Variants in TASOR observed in about 807,000 individuals in gnomAD.
TASOR encodes the protein transcription activation suppressor.
A neutral mutation model predicts 178.6 loss-of-function variants in TASOR; 53 were observed. The ratio of observed to expected loss-of-function variants is 0.30; its 90% CI spans 0.24 to 0.37. The LOEUF (loss-of-function observed/expected upper bound fraction) is 0.37. TASOR is among the 10% of genes least tolerant of loss of function. The pLI is 1.00. For missense variants in TASOR, 1,815 were observed against 1,971.4 expected, an observed-to-expected ratio of 0.92 and a Z score of 1.50; for synonymous variants, 713 against 696.2, an observed-to-expected ratio of 1.02 and a Z score of -0.38.
chr3:56,669,250 T>A (rs2030401613), intron 5 of TASOR, among the ~76,000 whole-genome samples: 1 of 152,116 alleles, frequency 6.6e-6, no homozygotes, highest in African/African-American at 2.4e-5. Context: ...ATGCCTGTAA[T>A]CCCAGCACTT....
intron 13 of TASOR, among the ~76,000 whole-genome samples, 162 bp from the exon 14 acceptor site, chr3:56,647,385 T>C (rs1241799976): frequency 6.6e-6 from 1 of 151,930 alleles, no homozygotes; most frequent in Non-Finnish European, 1.5e-5. Flanking sequence ...ATAGCAAATA[T>C]ATGAATAGCA....
In TASOR at chr3:56,625,603, C is replaced by T. The variant is rs545769084; in HGVS notation, c.4140-597G>A. Among the ~76,000 whole-genome samples the T allele has an allele frequency of 1.8e-4, 27 of 152,272 alleles. No individual in the cohort carries two copies. In the South Asian group the frequency reaches 5.4e-3, roughly 30 times the overall value. On this transcript the variant is annotated intron_variant, in intron 21 of 23. Transcript: ENST00000683822. Reference sequence around the variant, plus strand: ...CAGAGGTTGCAGTGAGCTGAGACTGCTCTATTACACTCCAGTCTGGGCAAC... The same window carrying T: ...CAGAGGTTGCAGTGAGCTGAGACTGTTCTATTACACTCCAGTCTGGGCAAC...
At chr3:56,669,858 C>T in intron 4 of TASOR, 67 bp from the exon 5 acceptor site, 6 of 1,181,354 alleles carry the variant, frequency 5.1e-6, no homozygotes, top group Non-Finnish European at 7.2e-6. Flanking sequence ...TAAAATAAGA[C>T]ATTTTTAAGA....
intron 16 of TASOR, 71 bp from the exon 17 acceptor site, chr3:56,638,836 C>T: frequency 7.0e-7 from 1 of 1,421,894 alleles, no homozygotes; most frequent in South Asian, 1.2e-5. Flanking sequence ...TTCAGACAAC[C>T]CCAAGTGATA....
intron 7 of TASOR, among the ~76,000 whole-genome samples, chr3:56,665,280 T>C (rs146626155): frequency 2.3e-4 from 35 of 152,350 alleles, no homozygotes; most frequent in African/African-American, 7.7e-4. Flanking sequence ...GATTGGTTTG[T>C]GGTGAGGCAT....
intron 13 of TASOR, among the ~76,000 whole-genome samples, chr3:56,647,879 T>G (rs1284178857): frequency 6.6e-6 from 1 of 152,170 alleles, no homozygotes; most frequent in Non-Finnish European, 1.5e-5. Flanking sequence ...AATGCAAAAT[T>G]GAACTAAGCT....
chr3:56,621,375 G>T lies in TASOR; in HGVS notation c.*1662C>A. ...AAATGTGATAGCTATATATCCAAATGAGGTGGTCTAGTACAAGCATTTCTG... is the reference window on the plus strand; with the variant it reads ...AAATGTGATAGCTATATATCCAAATTAGGTGGTCTAGTACAAGCATTTCTG... On this transcript the variant is annotated 3_prime_UTR_variant, in exon 24 of 24. Transcript: ENST00000683822. 2.2e-6 allele frequency: 1 copy of T among 463,438 alleles called. No homozygotes were observed. 28.7% of individuals were successfully genotyped at this position (463,438 alleles called of 1,614,324 possible). A position where few individuals can be genotyped will look rare whatever the true frequency, so the allele number is the denominator to read the frequency against.
chr3:56,673,487 C>A, intron 2 of TASOR, 93 bp downstream of exon 2: 5 of 853,518 alleles, frequency 5.9e-6, no homozygotes, highest in East Asian at 3.7e-5. Context: ...TTTGGTTTTC[C>A]TAAAAATTTT....
chr3:56,652,158 T>C (rs1246625547), intron 11 of TASOR, among the ~76,000 whole-genome samples: 2 of 152,172 alleles, frequency 1.3e-5, no homozygotes, highest in Admixed American at 6.5e-5. Flanking sequence ...GATTAATGGC[T>C]GTTAGGGATT....
At chr3:56,675,712 T>G (rs1403565498) in intron 1 of TASOR, among the ~76,000 whole-genome samples, 1 of 152,174 alleles carries the variant, frequency 6.6e-6, no homozygotes, top group East Asian at 1.9e-4. Context: ...CAAGACACTA[T>G]TTAATAAGGG....
intron 2 of TASOR, among the ~76,000 whole-genome samples, chr3:56,672,952 C>G (rs905578467): frequency 1.3e-5 from 2 of 152,162 alleles, no homozygotes; most frequent in African/African-American, 4.8e-5. Context: ...TCCCAAGAAG[C>G]TGGGATTACA....
At chr3:56,662,523 T>C (rs1216599443) in intron 8 of TASOR, 33 bp from the exon 9 acceptor site, 7 of 1,126,158 alleles carry the variant, frequency 6.2e-6, no homozygotes, top group Non-Finnish European at 8.9e-6. Context: ...CACAGCTTAG[T>C]CACTTGGCAG....
intron 1 of TASOR, among the ~76,000 whole-genome samples, chr3:56,675,378 T>C (rs1479837633): frequency 6.6e-6 from 1 of 151,718 alleles, no homozygotes; most frequent in Admixed American, 6.6e-5. Context: ...GGTTTCACCA[T>C]GTTGGCCAGG....
intron 15 of TASOR, among the ~76,000 whole-genome samples, chr3:56,641,098 CGCCT>C (rs2077113966): frequency 9.7e-6 from 1 of 102,810 alleles, no homozygotes; most frequent in African/African-American, 5.7e-5. Context: ...TAGATTGTTC[CGCCT>C]AAGCTTTATC....
intron 3 of TASOR, among the ~76,000 whole-genome samples, chr3:56,670,747 C>T (rs1353125569): frequency 2.6e-5 from 4 of 151,352 alleles, no homozygotes; most frequent in Admixed American, 6.6e-5. Context: ...ACCAGCCTGG[C>T]CAACATGGGG....
rs757786648 is a variant in TASOR, at chr3:56,621,565, A to G, written c.*1472T>C. ...CCAGAAGCAAAAGGAGTTGGAAAGT[A>G]GTCTCCTGCCTTTAGCTGAAAATCA... On this transcript the variant is annotated 3_prime_UTR_variant, in exon 24 of 24. Transcript: ENST00000683822. The G allele has an allele frequency of 1.9e-6, 3 of 1,602,674 alleles. No individual in the cohort carries two copies. The highest frequency in any genetic ancestry group is 2.6e-6 in the Non-Finnish European group (3 of 1,175,324).
At chr3:56,647,363 C>T in intron 13 of TASOR, 140 bp from the exon 14 acceptor site, 1 of 576,362 alleles carries the variant, frequency 1.7e-6, no homozygotes, top group Non-Finnish European at 2.8e-6. Context: ...TACCCTAGTA[C>T]ATATATACAA....
intron 18 of TASOR, among the ~76,000 whole-genome samples, chr3:56,629,652 C>G (rs2076870274): frequency 6.6e-6 from 1 of 152,162 alleles, no homozygotes; most frequent in Non-Finnish European, 1.5e-5. Context: ...ATGCAGAGTT[C>G]CCTTTGCTCT....
At chr3:56,653,724 G>A (rs1057083169) in intron 11 of TASOR, among the ~76,000 whole-genome samples, 2 of 151,978 alleles carry the variant, frequency 1.3e-5, no homozygotes, top group African/African-American at 4.8e-5. Flanking sequence ...CACCACCATT[G>A]TTGATTACAA....
Sources: gnomAD v4.1 joint callset for allele counts (sites outside exome capture counted in the v4.1 genomes callset) on GRCh38, gnomAD v4.1.1 for gene constraint, MANE v1.5 for transcripts, NCBI Gene and HGNC (gene_info 2026-07-23, HGNC 2026-07-21) for gene names.